The following METTL17 variants were observed in gnomAD, a reference collection of about 807,000 sequenced individuals.
The protein encoded by METTL17 is ribosome assembly protein METTL17, mitochondrial.
In METTL17, 49 loss-of-function variants were observed where a neutral mutation model predicts 59.4. The ratio of observed to expected loss-of-function variants is 0.82; its 90% CI spans 0.66 to 1.05. METTL17 has a LOEUF of 1.05. Ranked by LOEUF, METTL17 falls within the 50% of genes least tolerant of loss-of-function variation. METTL17 has a pLI of 0.00. For synonymous variants in METTL17, 208 were observed against 209.2 expected (o/e 0.99, Z 0.05); for missense variants, 555 against 578.4 (o/e 0.96, Z 0.41).
chr14:20,995,409 A>T (rs1439797018), intron 10 of METTL17, among the ~76,000 whole-genome samples, 176 bp downstream of exon 10: 1 of 152,216 alleles, frequency 6.6e-6, no homozygotes, highest in Non-Finnish European at 1.5e-5. Flanking sequence ...ATCAAATCCG[A>T]CCTGCCACCT....
At chr14:20,995,312 C>A (rs1880307487) in intron 10 of METTL17, 79 bp downstream of exon 10, 2 of 1,303,424 alleles carry the variant, frequency 1.5e-6, no homozygotes, top group South Asian at 2.4e-5. Context: ...AAGAGACTGT[C>A]ATGTATTGAC....
Position 20,993,050 on chromosome 14 carries a change from T to G in METTL17, c.529-68T>G. On this transcript the variant is annotated intron_variant, in intron 5 of 13. Transcript: ENST00000339374. Reference sequence around the variant, plus strand: ...CACATCCTCTGTGATAGCCTCCTAATTCACATTTATCAAGGTCCTAAATAA... The same window carrying G: ...CACATCCTCTGTGATAGCCTCCTAAGTCACATTTATCAAGGTCCTAAATAA... The G allele has an allele frequency of 2.2e-6, 3 of 1,363,792 alleles. No individual in the cohort carries two copies. In the South Asian group the frequency reaches 3.5e-5, roughly 16 times the overall value. The allele number at this position is 1,363,792 out of a possible 1,614,324, so 84.5% of individuals were successfully genotyped here. A position where few individuals can be genotyped will look rare whatever the true frequency, so the allele number is the denominator to read the frequency against.
chr14:20,991,793 T>C lies in METTL17; in HGVS notation c.365-331T>C. On this transcript the variant is annotated intron_variant, in intron 3 of 13. Coordinates refer to ENST00000339374, the MANE Select transcript of METTL17 (RefSeq NM_022734.3). ...ATCCGCCTGCCTCAGCCTCCCAAAGTGCTGAGCTTACAGGCGTGAGCCACC... is the reference window on the plus strand; with the variant it reads ...ATCCGCCTGCCTCAGCCTCCCAAAGCGCTGAGCTTACAGGCGTGAGCCACC... The C allele has an allele frequency of 1.6e-5, 4 of 245,602 alleles. No individual in the cohort carries two copies. In the South Asian group the frequency reaches 1.7e-4, roughly 11 times the overall value. 15.2% of individuals were successfully genotyped at this position (245,602 alleles called of 1,614,324 possible).
At chr14:20,991,373 T>G (rs79676515) in intron 3 of METTL17, among the ~76,000 whole-genome samples, 3,351 of 152,246 alleles carry the variant, frequency 0.022, 111 homozygotes, top group African/African-American at 0.076. Flanking sequence ...CTCACAGTAG[T>G]TCAGTAGATA....
At chr14:20,990,424 C>T in intron 2 of METTL17, 40 bp from the exon 3 acceptor site, 2 of 1,613,742 alleles carry the variant, frequency 1.2e-6, no homozygotes, top group Non-Finnish European at 1.7e-6. Context: ...GGGACTGGAC[C>T]TACATGCAAG....
At chr14:20,991,917 A>G (rs1428221540) in intron 3 of METTL17, 13 of 495,738 alleles carry the variant, frequency 2.6e-5, no homozygotes, top group Admixed American at 2.1e-4. Flanking sequence ...ATTCTTATAA[A>G]TAAAATGCTA....
rs544926498 is a variant in METTL17, at chr14:20,993,696, A to T, written c.603-273A>T. ...CACCATATTGGCCAGGCTGGTCTCT[A>T]ACTCCTGACCTTGTGATCCGCCCAC... On this transcript the variant is annotated intron_variant, in intron 6 of 13. Transcript: ENST00000339374. 1.7e-4 allele frequency: 42 copies of T among 250,668 alleles called. 1 individual carries two copies. In the South Asian group the frequency reaches 2.7e-3, roughly 16 times the overall value. 15.5% of individuals were successfully genotyped at this position (250,668 alleles called of 1,614,324 possible). A position where few individuals can be genotyped will look rare whatever the true frequency, so the allele number is the denominator to read the frequency against.
intron 7 of METTL17, among the ~76,000 whole-genome samples, 165 bp from the exon 8 acceptor site, chr14:20,994,378 C>G (rs367822046): frequency 6.6e-6 from 1 of 151,756 alleles, no homozygotes; most frequent in African/African-American, 2.4e-5. Flanking sequence ...ACTTCAGCCT[C>G]TAGGGTAGCT....
rs773450803 is a variant in METTL17 at position 20,996,860 on chromosome 14, A to G, written c.1341A>G (p.Pro447=). 1.9e-6 allele frequency: 3 copies of G among 1,612,606 alleles called. No individual in the cohort carries two copies. Among genetic ancestry groups the G allele is most frequent in the Non-Finnish European group, 2.5e-6 (3 of 1,179,426 alleles). Residue 447 remains proline (P), a synonymous_variant, in exon 14 of 14, where the codon CCA becomes CCG. Coordinates refer to ENST00000339374, the MANE Select transcript of METTL17 (RefSeq NM_022734.3). ...LPVLTPSAFP[P]STAQDPSES ...TGCTTACTCCGTCTGCGTTTCCTCC[A>G]TCTACGGCTCAGGATCCCTCTGAGA...
intron 3 of METTL17, 113 bp downstream of exon 3, chr14:20,990,711 T>C (rs75454885): frequency 4.4e-6 from 6 of 1,349,462 alleles, no homozygotes; most frequent in Non-Finnish European, 6.0e-6. Context: ...TTTGACTTTC[T>C]AACCAGAGCA....
chr14:20,990,491 A>T lies in METTL17; in HGVS notation c.257A>T (p.Gln86Leu). Reference sequence around the variant, plus strand: ...AGCGCTGGGCCCACTATGGAGAATCAGGTGCAAACACTGACCAGTTATCTC... The same window carrying T: ...AGCGCTGGGCCCACTATGGAGAATCTGGTGCAAACACTGACCAGTTATCTC... ...LGSAGPTMEN[Q>L]VQTLTSYLWS... is the part of the protein sequence containing the mutation. Residue 86 changes from glutamine (Q) to leucine (L), a missense_variant, in exon 3 of 14, where the codon CAG (glutamine) becomes CTG (leucine). Gln to Leu is a moderately radical substitution (Grantham distance 113). Coordinates refer to ENST00000339374, the MANE Select transcript of METTL17 (RefSeq NM_022734.3). 6.2e-7 allele frequency: 1 copy of T among 1,614,242 alleles called. No homozygotes were observed. Among genetic ancestry groups the T allele is most frequent in the Non-Finnish European group, 8.5e-7 (1 of 1,180,032 alleles).
intron 5 of METTL17, 150 bp downstream of exon 5, chr14:20,992,772 A>G: frequency 1.5e-6 from 1 of 652,142 alleles, no homozygotes; most frequent in South Asian, 1.9e-5. Context: ...TCCTGCCTGC[A>G]GTCCCAACTG....
rs770675983 is a variant in METTL17, at chr14:20,996,646, T to A, written c.1200T>A (p.His400Gln). The A allele has an allele frequency of 1.2e-6, 2 of 1,614,240 alleles. No homozygotes were observed. The highest frequency in any genetic ancestry group is 2.2e-5 in the South Asian group (2 of 91,078). Residue 400 changes from histidine to glutamine, a missense_variant, in exon 13 of 14, where the codon CAT becomes CAA. Transcript: ENST00000339374. ...QPVLKRPRHV[H>Q]CHLCCPDGHM... ...TCCTTAAACGGCCTCGCCATGTGCA[T>A]TGTCACTTGTGCTGTCCAGATGGGC...
In METTL17 at chr14:20,993,976, C is replaced by CA; in HGVS notation, c.611dup (p.His204GlnfsTer10). The CA allele has an allele frequency of 6.2e-7, 1 of 1,613,026 alleles. No individual in the cohort carries two copies. Among genetic ancestry groups the CA allele is most frequent in the Non-Finnish European group, 8.5e-7 (1 of 1,179,388 alleles). On this transcript the variant is annotated frameshift_variant, in exon 7 of 14. Coordinates refer to ENST00000339374, the MANE Select transcript of METTL17 (RefSeq NM_022734.3). LOFTEE classifies it high-confidence loss of function. ...ATAATTTTGCCATCTTAGGGCTGCTCACAGTATTTGGGGCCAGAGCCTACG... is the reference window on the plus strand; with the variant it reads ...ATAATTTTGCCATCTTAGGGCTGCTCAACAGTATTTGGGGCCAGAGCCTACG...
In METTL17 at chr14:20,992,611, G is replaced by A. The variant is rs72661115; in HGVS notation, c.517G>A (p.Ala173Thr). ...LDGGFAAVSR[A>T]FHEIRARNPA... ...TGGTGGCTTTGCAGCAGTCTCCAGA[G>A]CATTCCATGAGGTGAAAGTCCCTTA... is the stretch of plus-strand genomic sequence containing the variant. The change falls in exon 5 of 14, where the codon GCA (alanine) becomes ACA (threonine). Residue 173 changes from alanine (A) to threonine (T), a missense_variant. Coordinates refer to ENST00000339374, the MANE Select transcript of METTL17 (RefSeq NM_022734.3). 2 of 1,613,740 alleles carry A rather than the reference G, an allele frequency of 1.2e-6. No individual in the cohort carries two copies. The highest frequency in any genetic ancestry group is 1.1e-5 in the South Asian group (1 of 91,068).
Position 20,990,060 on chromosome 14 carries a change from G to T in METTL17, c.58G>T (p.Val20Leu). 6.2e-7 allele frequency: 1 copy of T among 1,613,434 alleles called. No individual in the cohort carries two copies. The part of the protein sequence containing the change: ...TLGRWCPGLG[V>L]APQARALAAL... ...AGGAAGATGGTGCCCCGGCCTTGGA[G>T]TGGCTCCCCAGGCCCGGGTGAGTGC... The change falls in exon 1 of 14, where the codon GTG becomes TTG. Residue 20 changes from valine to leucine, a missense_variant. By Grantham distance (32) the Val-to-Leu change is conservative. Coordinates refer to ENST00000339374, the MANE Select transcript of METTL17 (RefSeq NM_022734.3).
chr14:20,992,248 C>T (rs1193422969), intron 4 of METTL17, 43 bp downstream of exon 4: 2 of 1,281,946 alleles, frequency 1.6e-6, no homozygotes, highest in Non-Finnish European at 2.2e-6. Context: ...CAAAGGTAGA[C>T]TTTAGAAAGA....
In METTL17 at chr14:20,990,460, A is replaced by AT. The variant is rs746531377; in HGVS notation, c.230-3dup. On this transcript the variant is annotated splice_polypyrimidine_tract_variant and splice_region_variant and intron_variant, in intron 2 of 13. Transcript: ENST00000339374. ...TGATTCCGCTTTTCGTCTTTGGCCC[A>AT]TAGGGAGCGCTGGGCCCACTATGGA... 2 of 1,614,104 alleles carry AT rather than the reference A, an allele frequency of 1.2e-6. No homozygotes were observed. The highest frequency in any genetic ancestry group is 2.2e-5 in the South Asian group (2 of 91,074).
At position 20,990,475 on chromosome 14, in the gene METTL17, C is replaced by A. The variant is rs768796232; in HGVS notation, c.241C>A (p.Pro81Thr). The change falls in exon 3 of 14, where the codon CCC (proline) becomes ACC (threonine). Residue 81 changes from proline to threonine, a missense_variant. Physicochemically the swap from Pro to Thr is conservative, Grantham distance 38 (BLOSUM62 -1). Coordinates refer to ENST00000339374, the MANE Select transcript of METTL17 (RefSeq NM_022734.3). ...AQLLLLGSAG[P>T]TMENQVQTLT... Reference sequence around the variant, plus strand: ...TCTTTGGCCCATAGGGAGCGCTGGGCCCACTATGGAGAATCAGGTGCAAAC... The same window carrying A: ...TCTTTGGCCCATAGGGAGCGCTGGGACCACTATGGAGAATCAGGTGCAAAC... 1.2e-6 allele frequency: 2 copies of A among 1,614,044 alleles called. No homozygotes were observed. Among genetic ancestry groups the A allele is most frequent in the Non-Finnish European group, 1.7e-6 (2 of 1,180,026 alleles).
Sources: allele counts gnomAD v4.1 joint callset (sites outside exome capture counted in the v4.1 genomes callset), GRCh38; gene constraint gnomAD v4.1.1; transcripts MANE v1.5; gene names NCBI Gene and HGNC (gene_info 2026-07-23, HGNC 2026-07-21).